The following TNS3 variants were observed in gnomAD, a reference collection of about 807,000 sequenced individuals.
TNS3 encodes tensin-3.
In TNS3, 45 loss-of-function variants were observed where a neutral mutation model predicts 140.9. That is an observed-to-expected ratio of 0.32 (90% confidence interval 0.25 to 0.41). TNS3 has a LOEUF of 0.41. Ranked by LOEUF, TNS3 falls within the 10% of genes least tolerant of loss-of-function variation. TNS3 has a pLI of 1.00. For synonymous variants in TNS3, 815 were observed against 788.4 expected, an observed-to-expected ratio of 1.03 and a Z score of -0.56; for missense variants, 1,716 against 1,906.7, an observed-to-expected ratio of 0.90 and a Z score of 1.86.
intron 16 of TNS3, among the ~76,000 whole-genome samples, chr7:47,390,218 A>C (rs1283916034): frequency 6.6e-6 from 1 of 152,150 alleles, no homozygotes; most frequent in African/African-American, 2.4e-5. Context: ...TCCTCCACTA[A>C]AGTTGTCAAA....
rs558910631 is a variant in TNS3 at position 47,450,835 on chromosome 7, A to T, written c.-75-8780T>A. 5.3e-5 allele frequency among the ~76,000 whole-genome samples: 8 copies of T among 152,302 alleles called. No individual in the cohort carries two copies. The South Asian group carries it at 1.7e-3, about 32-fold the overall frequency. ...TTGTCCTCACTGGCTTTTGGTGAAG[A>T]GGAAAGAAAAGAAGCCCTTGGCAGG... On this transcript the variant is annotated intron_variant, in intron 4 of 30. Transcript: ENST00000311160.
intron 2 of TNS3, among the ~76,000 whole-genome samples, chr7:47,510,929 A>C (rs1441038683): frequency 1.3e-5 from 2 of 151,826 alleles, no homozygotes; most frequent in African/African-American, 4.8e-5. Flanking sequence ...CATTTCTGTT[A>C]AAATCAACAA....
chr7:47,432,708 C>T (rs898919151), intron 8 of TNS3, among the ~76,000 whole-genome samples: 1 of 152,206 alleles, frequency 6.6e-6, no homozygotes, highest in South Asian at 2.1e-4. Flanking sequence ...TGGGTGGAAG[C>T]AGCCATGGAT....
chr7:47,398,653 G>T (rs909584376), intron 15 of TNS3, among the ~76,000 whole-genome samples: 1 of 152,116 alleles, frequency 6.6e-6, no homozygotes, highest in Admixed American at 6.5e-5. Flanking sequence ...CAACAAACTA[G>T]GCATAGAAGG....
chr7:47,380,249 G>A lies in TNS3; in HGVS notation c.1025-10628C>T, dbSNP rs149505707. ...CCGGGCAGACCTCTCACACCAGCAC[G>A]CCGGTGCAGGCTCAGCATTCAGCAG... On this transcript the variant is annotated intron_variant, in intron 16 of 30. Transcript: ENST00000311160. Among the ~76,000 whole-genome samples the A allele has an allele frequency of 9.8e-5, 15 of 152,372 alleles. No individual in the cohort carries two copies. In the East Asian group the frequency reaches 2.9e-3, roughly 29 times the overall value.
At chr7:47,549,030 C>T (rs996380297) in intron 1 of TNS3, among the ~76,000 whole-genome samples, 3 of 152,150 alleles carry the variant, frequency 2.0e-5, no homozygotes, top group South Asian at 4.1e-4. Flanking sequence ...AGGCCCAGTT[C>T]CCCGGTCTCC....
chr7:47,539,739 G>C (rs537534154), intron 1 of TNS3: 42 of 153,850 alleles, frequency 2.7e-4, no homozygotes, highest in African/African-American at 9.6e-4. Context: ...GTGGTCATAA[G>C]TCTTGTACCT....
chr7:47,473,094 C>T (rs758510370), intron 4 of TNS3, among the ~76,000 whole-genome samples: 2 of 152,228 alleles, frequency 1.3e-5, no homozygotes, highest in African/African-American at 4.8e-5. Flanking sequence ...CGTCCTCCAC[C>T]GTGCCCTGCC....
intron 3 of TNS3, among the ~76,000 whole-genome samples, chr7:47,493,696 C>T (rs1584767792): frequency 1.3e-5 from 2 of 150,784 alleles, no homozygotes; most frequent in East Asian, 3.9e-4. Flanking sequence ...GGCATGGTGG[C>T]GGGCGCCTGT....
In TNS3 at chr7:47,428,302, T is replaced by C. The variant is rs374429787; in HGVS notation, c.389+10A>G. 3 of 1,425,990 alleles carry C rather than the reference T, an allele frequency of 2.1e-6. No individual in the cohort carries two copies. The African/African-American group carries it at 4.4e-5, about 21-fold the overall frequency. 88.3% of individuals were successfully genotyped at this position (1,425,990 alleles called of 1,614,324 possible). On this transcript the variant is annotated intron_variant, in intron 9 of 30. Transcript: ENST00000311160. ...CACCTCAAGACAGCGAGCTGACATC[T>C]TCATCCTACCTGGCTGAGACGTTGG... is the stretch of plus-strand genomic sequence containing the variant.
At chr7:47,489,118 G>A (rs769601254) in intron 3 of TNS3, among the ~76,000 whole-genome samples, 4 of 152,116 alleles carry the variant, frequency 2.6e-5, no homozygotes, top group Admixed American at 6.5e-5. Context: ...CCCACTAAGC[G>A]TCAAAGCCCA....
At chr7:47,440,115 G>A (rs1161671223) in intron 5 of TNS3, among the ~76,000 whole-genome samples, 5 of 152,094 alleles carry the variant, frequency 3.3e-5, no homozygotes, top group Non-Finnish European at 5.9e-5. Context: ...AAGCGGAGAT[G>A]GTGTGAGCAG....
intron 2 of TNS3, among the ~76,000 whole-genome samples, chr7:47,516,815 C>T (rs1479872711): frequency 2.0e-5 from 3 of 152,192 alleles, no homozygotes; most frequent in Admixed American, 6.5e-5. Context: ...ATAATCCCAG[C>T]ACTTTGGGAG....
chr7:47,331,805 C>T (rs1788357652), intron 20 of TNS3, among the ~76,000 whole-genome samples: 1 of 152,188 alleles, frequency 6.6e-6, no homozygotes, highest in Non-Finnish European at 1.5e-5. Context: ...CACATATGTA[C>T]CATATAACAT....
At chr7:47,282,356 A>G (rs1785191770) in intron 28 of TNS3, among the ~76,000 whole-genome samples, 1 of 151,052 alleles carries the variant, frequency 6.6e-6, no homozygotes, top group Non-Finnish European at 1.5e-5. Flanking sequence ...AAGCCAAGGC[A>G]CAACCCTGAC....
rs560484751 is a variant in TNS3, at chr7:47,413,846, T to A, written c.647+91A>T. On this transcript the variant is annotated intron_variant, in intron 12 of 30. Coordinates refer to ENST00000311160, the MANE Select transcript of TNS3 (RefSeq NM_022748.12). ...TTCTCTGACCTGAACCCTCCCACAC[T>A]CTTCCTGCGGGACAGGCAGCTGAGG... 103 of 1,504,550 alleles carry A rather than the reference T, an allele frequency of 6.8e-5. 1 individual carries two copies. The African/African-American group carries it at 1.3e-3, about 19-fold the overall frequency. The allele number at this position is 1,504,550 out of a possible 1,614,324, so 93.2% of individuals were successfully genotyped here.
chr7:47,515,687 ACCAT>A (rs1798756466), intron 2 of TNS3, among the ~76,000 whole-genome samples: 1 of 151,882 alleles, frequency 6.6e-6, no homozygotes, highest in African/African-American at 2.4e-5. Context: ...TCACTAATAT[ACCAT>A]CATCATCAAT....
intron 1 of TNS3, among the ~76,000 whole-genome samples, chr7:47,538,458 C>G (rs1799683121): frequency 6.6e-6 from 1 of 152,086 alleles, no homozygotes; most frequent in Non-Finnish European, 1.5e-5. Flanking sequence ...AGAGCTCAGC[C>G]TTTATGGCTC....
intron 4 of TNS3, among the ~76,000 whole-genome samples, chr7:47,456,383 C>T (rs767991377): frequency 1.6e-4 from 25 of 152,276 alleles, no homozygotes; most frequent in Admixed American, 7.2e-4. Context: ...CCAGCAACCC[C>T]GTGATATTCG....
Sources: allele counts gnomAD v4.1 joint callset (sites outside exome capture counted in the v4.1 genomes callset), GRCh38; gene constraint gnomAD v4.1.1; transcripts MANE v1.5; gene names NCBI Gene and HGNC (gene_info 2026-07-23, HGNC 2026-07-21).